The following VPS11 variants were observed in gnomAD, a reference collection of about 807,000 sequenced individuals.
The protein encoded by VPS11 is vacuolar protein sorting-associated protein 11 homolog.
In VPS11, 51 loss-of-function variants were observed where a neutral mutation model predicts 106.8. The observed-to-expected ratio is 0.48, with a 90% CI of 0.38 to 0.60. VPS11 has a LOEUF of 0.60. Among genes scored for constraint, VPS11 ranks in the 20% least tolerant of loss-of-function variants. The pLI, the probability that VPS11 is intolerant of heterozygous loss-of-function variation, is 0.00. For missense variants in VPS11, 950 were observed against 1,190.0 expected, an observed-to-expected ratio of 0.80 and a Z score of 2.97; for synonymous variants, 453 against 458.7, an observed-to-expected ratio of 0.99 and a Z score of 0.16.
intron 9 of VPS11, 112 bp from the exon 10 acceptor site, chr11:119,077,764 ACT>A: frequency 6.5e-7 from 1 of 1,546,488 alleles, no homozygotes; most frequent in Non-Finnish European, 8.7e-7. Flanking sequence ...TGGAGGTGAG[ACT>A]CTCAACTTGG....
chr11:119,069,684 T>G (rs1456616079), intron 3 of VPS11, 107 bp downstream of exon 3: 10 of 1,481,212 alleles, frequency 6.8e-6, no homozygotes, highest in Non-Finnish European at 9.2e-6. Context: ...TGTACTGAAC[T>G]GAGGCCTTTG....
Position 119,069,476 on chromosome 11 carries a change from G to A in VPS11, c.371G>A (p.Gly124Asp). The change falls in exon 3 of 16, where the codon GGC becomes GAC. Residue 124 changes from glycine to aspartate, a missense_variant. Coordinates refer to ENST00000621676, the MANE Select transcript of VPS11 (RefSeq NM_021729.6). ...KIWNLEKRDG[G>D]NPLCTRIFPA... ...TGGAACCTGGAGAAGAGAGATGGTGGCAATCCACTCTGCACTCGAATCTTC... is the reference window on the plus strand; with the variant it reads ...TGGAACCTGGAGAAGAGAGATGGTGACAATCCACTCTGCACTCGAATCTTC... 1 of 1,613,990 alleles carries A rather than the reference G, an allele frequency of 6.2e-7. No homozygotes were observed.
rs990414903 is a variant in VPS11 at position 119,069,920 on chromosome 11, C to T, written c.473-314C>T. Among the ~76,000 whole-genome samples the T allele has an allele frequency of 3.3e-5, 5 of 151,878 alleles. No homozygotes were observed. The East Asian group carries it at 9.6e-4, about 29-fold the overall frequency. On this transcript the variant is annotated intron_variant, in intron 3 of 15. Transcript: ENST00000621676. ...GGCTGCGGCAGGAAAATCACTTGAA[C>T]CTGGGAGGCGGAGTTTGCAGTGAGC...
In VPS11 at chr11:119,079,299, A is replaced by G. The variant is rs1158261796; in HGVS notation, c.2437A>G (p.Ser813Gly). Residue 813 changes from serine (S) to glycine (G), a missense_variant and splice_region_variant, in exon 14 of 16, where the codon AGT (serine) becomes GGT (glycine). Around this residue, in one of 3 missense-constraint regions of VPS11, gnomAD observed 453 missense variants for 514.6 expected, o/e 0.88. Transcript: ENST00000621676. ...CCAGGAGATCCAAGAGCTCAAGGCC[A>G]GGTACCCGGGGCATGGATATGTGGA... Reference protein sequence around the residue: ...IRQEIQELKASPKIFQKTKCS... With the variant: ...IRQEIQELKAGPKIFQKTKCS... 6.3e-7 allele frequency: 1 copy of G among 1,587,616 alleles called. No homozygotes were observed. Among genetic ancestry groups the G allele is most frequent in the Admixed American group, 1.8e-5 (1 of 55,284 alleles).
intron 4 of VPS11, 64 bp downstream of exon 4, chr11:119,070,461 A>G (rs1945335336): frequency 6.9e-7 from 1 of 1,445,618 alleles, no homozygotes; most frequent in Non-Finnish European, 9.3e-7. Flanking sequence ...TCAGGGGGAT[A>G]GGGTAATGAA....
chr11:119,068,371 G>T (rs1436565749), intron 1 of VPS11, among the ~76,000 whole-genome samples: 1 of 151,852 alleles, frequency 6.6e-6, no homozygotes, highest in Non-Finnish European at 1.5e-5. Context: ...TATCGTTGGC[G>T]AGGAGGTAAA....
At chr11:119,070,137 AG>A in intron 3 of VPS11, 96 bp from the exon 4 acceptor site, 1 of 1,273,266 alleles carries the variant, frequency 7.9e-7, no homozygotes, top group Admixed American at 2.4e-5. Flanking sequence ...ATATGGAGAA[AG>A]CTTGTCACTT....
In VPS11 at chr11:119,070,278, C is replaced by G; in HGVS notation, c.517C>G (p.Arg173Gly). The change falls in exon 4 of 16, where the codon CGG becomes GGG. Residue 173 changes from arginine (R) to glycine (G), a missense_variant. Transcript: ENST00000621676. ...TACATTGAACAAAGGAGACATCACC[C>G]GGGACCGGCATAGCAAGACCCAGAT... The part of the protein sequence containing the change: ...SVTLNKGDIT[R>G]DRHSKTQILH... 1 of 1,612,850 alleles carries G rather than the reference C, an allele frequency of 6.2e-7. No individual in the cohort carries two copies. Among genetic ancestry groups the G allele is most frequent in the Non-Finnish European group, 8.5e-7 (1 of 1,179,298 alleles).
At chr11:119,071,458 A>G in intron 4 of VPS11, 138 bp from the exon 5 acceptor site, 1 of 1,081,404 alleles carries the variant, frequency 9.2e-7, no homozygotes, top group Non-Finnish European at 1.3e-6. Flanking sequence ...TGGTTAATGA[A>G]GAAGGCCAGC....
In VPS11 at chr11:119,081,551, A is replaced by G; in HGVS notation, c.2754A>G (p.Thr918=). 6.2e-7 allele frequency: 1 copy of G among 1,614,038 alleles called. No individual in the cohort carries two copies. The highest frequency in any genetic ancestry group is 8.5e-7 in the Non-Finnish European group (1 of 1,179,900). ...NKLTLLTDPP[T]ARLTSSLEAG... is the part of the protein sequence containing the mutation. ...TGACTCTGCTGACCGACCCTCCCACAGCCAGACTGACCTCCAGCCTGGAGG... is the reference window on the plus strand; with the variant it reads ...TGACTCTGCTGACCGACCCTCCCACGGCCAGACTGACCTCCAGCCTGGAGG... The change falls in exon 16 of 16, where the codon ACA becomes ACG. Residue 918 remains threonine, a synonymous_variant. Transcript: ENST00000621676.
chr11:119,081,147 C>T lies in VPS11; in HGVS notation c.2494C>T (p.Pro832Ser), dbSNP rs782552403. 6.8e-6 allele frequency: 11 copies of T among 1,614,046 alleles called. No individual in the cohort carries two copies. Among genetic ancestry groups the T allele is most frequent in the Non-Finnish European group, 5.9e-6 (7 of 1,179,906 alleles). Residue 832 changes from proline to serine, a missense_variant, in exon 15 of 16, where the codon CCC becomes TCC. Physicochemically the swap from Pro to Ser is moderately conservative, Grantham distance 74 (BLOSUM62 -1). Transcript: ENST00000621676. ...CSICNSALEL[P>S]SVHFLCGHSF... ...CATCTGTAACAGTGCCTTGGAGTTG[C>T]CCTCAGTCCACTTCCTGTGTGGCCA...
At chr11:119,071,977 T>C in intron 5 of VPS11, 134 bp downstream of exon 5, 1 of 774,554 alleles carries the variant, frequency 1.3e-6, no homozygotes, top group Non-Finnish European at 1.7e-6. Context: ...AACATTTCTG[T>C]TTTTTTTTTT....
intron 5 of VPS11, chr11:119,072,057 C>G: frequency 1.9e-6 from 1 of 525,584 alleles, no homozygotes; most frequent in South Asian, 2.2e-5. Context: ...GCCTCGCCTC[C>G]TGGGTTCCAG....
At chr11:119,070,453 A>C in intron 4 of VPS11, 56 bp downstream of exon 4, 1 of 1,527,294 alleles carries the variant, frequency 6.5e-7, no homozygotes, top group Non-Finnish European at 8.9e-7. Context: ...TCCATTGTTC[A>C]GGGGGATAGG....
chr11:119,076,715 G>A, intron 7 of VPS11, 182 bp from the exon 8 acceptor site: 1 of 670,564 alleles, frequency 1.5e-6, no homozygotes, highest in Non-Finnish European at 2.5e-6. Context: ...TACCCAGTGT[G>A]GTCCACAGTC....
At chr11:119,070,569 G>C in intron 4 of VPS11, 172 bp downstream of exon 4, 1 of 640,718 alleles carries the variant, frequency 1.6e-6, no homozygotes, top group Non-Finnish European at 2.4e-6. Flanking sequence ...GCTGGAAAGA[G>C]TTAGACTCTG....
In VPS11 at chr11:119,069,005, C is replaced by G. The variant is rs565847215; in HGVS notation, c.188-191C>G. 1.3e-3 allele frequency among the ~76,000 whole-genome samples: 89 copies of G among 66,648 alleles called. 7 individuals carry two copies. Among genetic ancestry groups the G allele is most frequent in the African/African-American group, 4.4e-3 (83 of 18,702 alleles). 43.7% of individuals were successfully genotyped at this position (66,648 alleles called of 152,430 possible). On this transcript the variant is annotated intron_variant, in intron 1 of 15. Coordinates refer to ENST00000621676, the MANE Select transcript of VPS11 (RefSeq NM_021729.6). ...ACCTCAGGTGATCCGCACCCCCCCC[C>G]CCCCCCGGCCTCCCAAAGTGCTGGG...
chr11:119,077,548 G>A lies in VPS11; in HGVS notation c.1473G>A (p.Lys491=), dbSNP rs1202377168. The A allele has an allele frequency of 1.2e-6, 2 of 1,614,034 alleles. No individual in the cohort carries two copies. The change falls in exon 9 of 16, where the codon AAG becomes AAA. Residue 491 remains lysine (K), a synonymous_variant. Transcript: ENST00000621676. ...ACTTTGATGTGGAGACAGCCATCAA[G>A]GTCCTCCGGCAGGCTGGCTACTACT... ...EVHFDVETAI[K]VLRQAGYYSH...
chr11:119,073,752 C>T lies in VPS11; in HGVS notation c.1087-48C>T, dbSNP rs1372551515. 7 of 1,579,536 alleles carry T rather than the reference C, an allele frequency of 4.4e-6. No individual in the cohort carries two copies. In the African/African-American group the frequency reaches 8.1e-5, roughly 18 times the overall value. ...TTGTGCGCACATTTTGGGAAAGTGT[C>T]TTCCCAGGACCACTTCTACCAATTT... On this transcript the variant is annotated intron_variant, in intron 6 of 15. Transcript: ENST00000621676.
Sources: allele counts gnomAD v4.1 joint callset (sites outside exome capture counted in the v4.1 genomes callset), GRCh38; gene constraint gnomAD v4.1.1; regional missense constraint gnomAD v4.1.1; transcripts MANE v1.5; gene names NCBI Gene and HGNC (gene_info 2026-07-23, HGNC 2026-07-21).